CUTC: variants seen among roughly 807,000 people sequenced by gnomAD.
CUTC encodes cutC copper transporter, also known as copper homeostasis protein cutC homolog.
CUTC carries 27 observed loss-of-function variants against 36.2 expected under a neutral mutation model. The observed-to-expected ratio is 0.75, with a 90% CI of 0.55 to 1.03. CUTC has a LOEUF of 1.03. Among genes scored for constraint, CUTC ranks in the 50% least tolerant of loss-of-function variants. The probability of loss-of-function intolerance (pLI) is 0.00; values close to 1 mark genes in which losing one functional copy is unlikely to be tolerated. For missense variants in CUTC, 315 were observed against 343.5 expected (o/e 0.92, Z 0.66); for synonymous variants, 114 against 118.3 (o/e 0.96, Z 0.24).
In CUTC at chr10:99,750,380, G is replaced by A; in HGVS notation, c.585G>A (p.Arg195=). 1 of 1,590,956 alleles carries A rather than the reference G, an allele frequency of 6.3e-7. No homozygotes were observed. The highest frequency in any genetic ancestry group is 8.5e-7 in the Non-Finnish European group (1 of 1,172,816). ...IKRLIEQAKG[R]IVVMPGGGIT... ...TTTTCTTTTTTCAGGCAAAAGGCAG[G>A]ATTGTGGTAATGCCAGGTATTTATT... is the stretch of plus-strand genomic sequence containing the variant. Residue 195 remains arginine (R), a synonymous_variant, in exon 7 of 9, where the codon AGG becomes AGA. Coordinates refer to ENST00000370476, the MANE Select transcript of CUTC (RefSeq NM_015960.3).
Position 99,747,363 on chromosome 10 carries a change from A to G in CUTC, c.546A>G (p.Leu182=). Residue 182 remains leucine (L), a synonymous_variant, in exon 6 of 9, where the codon CTA becomes CTG. Coordinates refer to ENST00000370476, the MANE Select transcript of CUTC (RefSeq NM_015960.3). ...SGCDSSALEG[L]PLIKRLIEQA... ...GTGACAGTTCAGCATTAGAAGGGCTACCCCTAATAAAGCGACTCATTGAGC... is the reference window on the plus strand; with the variant it reads ...GTGACAGTTCAGCATTAGAAGGGCTGCCCCTAATAAAGCGACTCATTGAGC... 1 of 1,614,112 alleles carries G rather than the reference A, an allele frequency of 6.2e-7. No homozygotes were observed. The highest frequency in any genetic ancestry group is 8.5e-7 in the Non-Finnish European group (1 of 1,180,004).
intron 7 of CUTC, among the ~76,000 whole-genome samples, chr10:99,753,720 T>G (rs1303257867): frequency 6.6e-6 from 1 of 152,206 alleles, no homozygotes; most frequent in African/African-American, 2.4e-5. Flanking sequence ...CTTTTTTCTA[T>G]TTCTTAAGGC....
At position 99,749,618 on chromosome 10, in the gene CUTC, A is replaced by ACTG. The variant is rs1350576021; in HGVS notation, c.574-751_574-750insCTG. On this transcript the variant is annotated intron_variant, in intron 6 of 8. Transcript: ENST00000370476. ...CTTTTTTCCATTCTGAAGTGATTTC[A>ACTG]GCTTTTTAGATAGTCAATGTTTTGT... Among the ~76,000 whole-genome samples, 8 of 152,154 alleles carry ACTG rather than the reference A, an allele frequency of 5.3e-5. No homozygotes were observed. In the East Asian group the frequency reaches 1.3e-3, roughly 26 times the overall value.
chr10:99,736,107 A>G, intron 1 of CUTC, 139 bp from the exon 2 acceptor site: 4 of 622,198 alleles, frequency 6.4e-6, no homozygotes, highest in Non-Finnish European at 1.2e-5. Flanking sequence ...ATTTTATTGC[A>G]TTCATGGGCC....
intron 7 of CUTC, among the ~76,000 whole-genome samples, chr10:99,751,641 T>C (rs1272800762): frequency 6.6e-6 from 1 of 152,212 alleles, no homozygotes; most frequent in Non-Finnish European, 1.5e-5. Flanking sequence ...CCAGATCACC[T>C]GAGGTCAAGA....
intron 1 of CUTC, chr10:99,732,636 G>A (rs2037226027): frequency 7.0e-7 from 1 of 1,419,074 alleles, no homozygotes; most frequent in Non-Finnish European, 9.2e-7. Context: ...CGAGTCCCGG[G>A]GTCCCCTCAT....
chr10:99,740,971 G>C (rs2133667933), intron 3 of CUTC, among the ~76,000 whole-genome samples: 1 of 152,276 alleles, frequency 6.6e-6, no homozygotes, highest in East Asian at 1.9e-4. Context: ...TTTTGAACAT[G>C]TGGAATAAAG....
chr10:99,752,976 G>A (rs371826591), intron 7 of CUTC, among the ~76,000 whole-genome samples: 4 of 152,104 alleles, frequency 2.6e-5, no homozygotes, highest in African/African-American at 9.7e-5. Flanking sequence ...ATTCATCATT[G>A]AGAAATATAA....
In CUTC at chr10:99,732,467, CG is replaced by C. The variant is rs1360329963; in HGVS notation, c.61+61del. ...CCGAAGGCTCCCCGGGGCGGGCCGGCGGGAGTCGTAGTCAGTGGTGATTTCT... is the reference window on the plus strand; with the variant it reads ...CCGAAGGCTCCCCGGGGCGGGCCGGCGGAGTCGTAGTCAGTGGTGATTTCT... On this transcript the variant is annotated intron_variant, in intron 1 of 8. Coordinates refer to ENST00000370476, the MANE Select transcript of CUTC (RefSeq NM_015960.3). The C allele has an allele frequency of 4.5e-6, 7 of 1,546,778 alleles. No individual in the cohort carries two copies. In the Admixed American group the frequency reaches 1.4e-4, roughly 30 times the overall value.
intron 1 of CUTC, among the ~76,000 whole-genome samples, chr10:99,732,826 G>T (rs1237479461): frequency 6.6e-6 from 1 of 152,172 alleles, no homozygotes; most frequent in African/African-American, 2.4e-5. Context: ...CGGGGACGGG[G>T]CTTGGTCCCC....
At chr10:99,751,667 G>A (rs2037419345) in intron 7 of CUTC, among the ~76,000 whole-genome samples, 1 of 152,186 alleles carries the variant, frequency 6.6e-6, no homozygotes, top group Admixed American at 6.5e-5. Context: ...AGACCAGCCT[G>A]GCCAACATGG....
intron 3 of CUTC, among the ~76,000 whole-genome samples, chr10:99,740,178 T>G (rs2037331581): frequency 6.6e-6 from 1 of 152,168 alleles, no homozygotes; most frequent in Admixed American, 6.5e-5. Flanking sequence ...TTTTGTTAAA[T>G]AAGAGATTTA....
intron 7 of CUTC, among the ~76,000 whole-genome samples, chr10:99,750,973 A>G (rs1227502283): frequency 6.6e-6 from 1 of 152,238 alleles, no homozygotes; most frequent in East Asian, 1.9e-4. Flanking sequence ...GAATTAGATA[A>G]TACAACATAG....
intron 5 of CUTC, among the ~76,000 whole-genome samples, chr10:99,745,681 A>G (rs1365218324): frequency 1.3e-5 from 2 of 152,042 alleles, no homozygotes; most frequent in Non-Finnish European, 2.9e-5. Flanking sequence ...ACATGGTGAA[A>G]CCCCGTCTGT....
chr10:99,750,081 G>A (rs2133677923), intron 6 of CUTC, among the ~76,000 whole-genome samples: 1 of 152,082 alleles, frequency 6.6e-6, no homozygotes, highest in Middle Eastern at 3.4e-3. Context: ...ACTTAGAATT[G>A]GGGGCTTATA....
chr10:99,746,568 T>C (rs2037379184), intron 5 of CUTC, among the ~76,000 whole-genome samples: 1 of 152,152 alleles, frequency 6.6e-6, no homozygotes, highest in Admixed American at 6.5e-5. Flanking sequence ...TTACTTTATA[T>C]TGAAAACTTT....
At position 99,743,169 on chromosome 10, in the gene CUTC, G is replaced by A. The variant is rs2037352792; in HGVS notation, c.210G>A (p.Val70=). Residue 70 remains valine (V), a synonymous_variant, in exon 4 of 9, where the codon GTG becomes GTA. Coordinates refer to ENST00000370476, the MANE Select transcript of CUTC (RefSeq NM_015960.3). ...TTPSMGVLQV[V]KQSVQIPVFV... ...TTCTTGTAGGTGTCCTTCAAGTAGT[G>A]AAGCAGAGTGTTCAGATCCCAGTTT... 1 of 1,614,112 alleles carries A rather than the reference G, an allele frequency of 6.2e-7. No individual in the cohort carries two copies. The highest frequency in any genetic ancestry group is 2.2e-5 in the East Asian group (1 of 44,882).
intron 1 of CUTC, among the ~76,000 whole-genome samples, chr10:99,733,231 C>T (rs1442062969): frequency 6.6e-6 from 1 of 152,062 alleles, no homozygotes; most frequent in Non-Finnish European, 1.5e-5. Context: ...ATCACTTGAA[C>T]CCGGGAGGCG....
chr10:99,733,689 G>T (rs2037258872), intron 1 of CUTC, among the ~76,000 whole-genome samples: 1 of 152,134 alleles, frequency 6.6e-6, no homozygotes, highest in Non-Finnish European at 1.5e-5. Context: ...GTCAAATAAA[G>T]TGTTAGAATT....
Sources: gnomAD v4.1 joint callset for allele counts (sites outside exome capture counted in the v4.1 genomes callset) on GRCh38, gnomAD v4.1.1 for gene constraint, MANE v1.5 for transcripts, NCBI Gene and HGNC (gene_info 2026-07-23, HGNC 2026-07-21) for gene names.